The following ARHGAP15 variants were observed in gnomAD, a reference collection of about 807,000 sequenced individuals.
ARHGAP15 encodes the protein Rho GTPase activating protein 15.
Under a neutral mutation model 63.7 loss-of-function variants are expected in ARHGAP15, and 51 were observed. That is an observed-to-expected ratio of 0.80 (90% CI 0.64 to 1.01). ARHGAP15 has a LOEUF of 1.01. Ranked by LOEUF, ARHGAP15 falls within the 50% of genes least tolerant of loss-of-function variation. ARHGAP15 has a pLI of 0.00. For synonymous variants in ARHGAP15, 191 were observed against 193.8 expected, an observed-to-expected ratio of 0.99 and a Z score of 0.12; for missense variants, 560 against 564.6, an observed-to-expected ratio of 0.99 and a Z score of 0.08.
chr2:143,413,376 C>T (rs1688527842), intron 6 of ARHGAP15, among the ~76,000 whole-genome samples: 1 of 152,176 alleles, frequency 6.6e-6, no homozygotes. Flanking sequence ...AACTGAATGC[C>T]TCAGGGCCCC....
chr2:143,667,812 A>C (rs1480903159), intron 12 of ARHGAP15, among the ~76,000 whole-genome samples: 2 of 151,828 alleles, frequency 1.3e-5, no homozygotes, highest in Non-Finnish European at 2.9e-5. Flanking sequence ...CAACGTGGTG[A>C]AACTCTCTCT....
intron 6 of ARHGAP15, among the ~76,000 whole-genome samples, chr2:143,300,392 A>T (rs1026790400): frequency 5.3e-5 from 8 of 152,062 alleles, no homozygotes; most frequent in African/African-American, 1.7e-4. Flanking sequence ...ACTTTTACAT[A>T]TGGTTTCAAG....
chr2:143,375,361 C>A (rs953325254), intron 6 of ARHGAP15, among the ~76,000 whole-genome samples: 5 of 152,106 alleles, frequency 3.3e-5, no homozygotes, highest in African/African-American at 1.2e-4. Flanking sequence ...GTAAATTTCC[C>A]AAATTCTTTT....
chr2:143,262,401 C>G (rs1680765245), intron 6 of ARHGAP15, among the ~76,000 whole-genome samples: 1 of 151,944 alleles, frequency 6.6e-6, no homozygotes, highest in Non-Finnish European at 1.5e-5. Context: ...TGTATGAGGC[C>G]ATATTTGATA....
chr2:143,406,349 T>A (rs1377645761), intron 6 of ARHGAP15, among the ~76,000 whole-genome samples: 1 of 151,976 alleles, frequency 6.6e-6, no homozygotes, highest in South Asian at 2.1e-4. Context: ...TGGATTCTTT[T>A]CAGCTATACT....
intron 12 of ARHGAP15, among the ~76,000 whole-genome samples, chr2:143,686,373 G>C (rs1683343602): frequency 1.7e-5 from 2 of 114,876 alleles, no homozygotes; most frequent in Non-Finnish European, 3.3e-5. Context: ...GACAGAGCGA[G>C]ACTCTGTCTC....
chr2:143,706,800 GA>G (rs1158557799), intron 13 of ARHGAP15, among the ~76,000 whole-genome samples: 1 of 152,178 alleles, frequency 6.6e-6, no homozygotes, highest in Non-Finnish European at 1.5e-5. Context: ...CCGTCAGCCA[GA>G]AACCTTTATT....
rs148074538 is a variant in ARHGAP15, at chr2:143,234,963, T to G, written c.384+6295T>G. Among the ~76,000 whole-genome samples the G allele has an allele frequency of 2.1e-3, 316 of 152,326 alleles. 1 individual carries two copies. Among genetic ancestry groups the G allele is most frequent in the African/African-American group, 7.3e-3 (302 of 41,578 alleles). ...AAAAGAAATATTTTATCCAGCATTT[T>G]TATTGTTTTCAGTGGGAGAATTGAT... On this transcript the variant is annotated intron_variant, in intron 5 of 13. Transcript: ENST00000295095.
rs548964395 is a variant in ARHGAP15, at chr2:143,238,742, G to A, written c.384+10074G>A. 5.9e-5 allele frequency among the ~76,000 whole-genome samples: 9 copies of A among 152,174 alleles called. No individual in the cohort carries two copies. The East Asian group carries it at 7.7e-4, about 13-fold the overall frequency. On this transcript the variant is annotated intron_variant, in intron 5 of 13. Transcript: ENST00000295095. ...CATTCTATTATAAAGACACATGCAC[G>A]TGTATGTTCATTGCAGCACTGTTTA...
At chr2:143,188,847 A>T (rs1411244120) in intron 2 of ARHGAP15, among the ~76,000 whole-genome samples, 1 of 151,758 alleles carries the variant, frequency 6.6e-6, no homozygotes, top group Non-Finnish European at 1.5e-5. Context: ...ACTGGTCTCG[A>T]ACCCCTGACC....
At chr2:143,647,371 A>G (rs940857193) in intron 12 of ARHGAP15, among the ~76,000 whole-genome samples, 2 of 151,682 alleles carry the variant, frequency 1.3e-5, no homozygotes, top group African/African-American at 4.8e-5. Context: ...AAAAAAAAAA[A>G]AAAAAGAACA....
At chr2:143,425,341 TTATA>T (rs68003746) in intron 6 of ARHGAP15, among the ~76,000 whole-genome samples, 2,033 of 152,038 alleles carry the variant, frequency 0.013, 45 homozygotes, top group African/African-American at 0.046. Context: ...TGTGCTCTCT[TTATA>T]TATAGAGAGA....
intron 13 of ARHGAP15, among the ~76,000 whole-genome samples, chr2:143,762,909 C>T (rs1011370754): frequency 6.6e-6 from 1 of 152,104 alleles, no homozygotes; most frequent in Non-Finnish European, 1.5e-5. Flanking sequence ...TATATGGTTT[C>T]TGGATCAGAT....
chr2:143,456,553 AAAAT>A (rs1247854607), intron 8 of ARHGAP15, among the ~76,000 whole-genome samples: 2 of 152,088 alleles, frequency 1.3e-5, no homozygotes, highest in Non-Finnish European at 2.9e-5. Flanking sequence ...ATGAATTAAA[AAAAT>A]AAAATTTTGT....
At chr2:143,580,884 G>A (rs1696875608) in intron 11 of ARHGAP15, among the ~76,000 whole-genome samples, 1 of 152,118 alleles carries the variant, frequency 6.6e-6, no homozygotes, top group Non-Finnish European at 1.5e-5. Context: ...GCAAGAAAGT[G>A]CCTATAAATA....
chr2:143,482,164 C>G (rs1232777078), intron 8 of ARHGAP15, among the ~76,000 whole-genome samples: 2 of 152,022 alleles, frequency 1.3e-5, no homozygotes, highest in Non-Finnish European at 2.9e-5. Context: ...AGTGATTGCT[C>G]TAGTCTCTTA....
At chr2:143,453,118 T>C (rs1247423758) in intron 8 of ARHGAP15, among the ~76,000 whole-genome samples, 1 of 151,998 alleles carries the variant, frequency 6.6e-6, no homozygotes, top group Non-Finnish European at 1.5e-5. Context: ...TGCAGCTCAG[T>C]GACATTATTA....
chr2:143,499,258 T>C (rs1692949426), intron 9 of ARHGAP15, among the ~76,000 whole-genome samples: 2 of 152,204 alleles, frequency 1.3e-5, no homozygotes, highest in Non-Finnish European at 2.9e-5. Context: ...TGTCGACTTA[T>C]GGTTAGAGCT....
chr2:143,445,153 A>ATTTT (rs10671306), intron 8 of ARHGAP15, among the ~76,000 whole-genome samples: 1,066 of 74,364 alleles, frequency 0.014, 49 homozygotes, highest in Middle Eastern at 0.061. Context: ...AAGAACAATT[A>ATTTT]TTTTTTTTTT....
Sources: gnomAD v4.1 joint callset for allele counts (sites outside exome capture counted in the v4.1 genomes callset) on GRCh38, gnomAD v4.1.1 for gene constraint, MANE v1.5 for transcripts, NCBI Gene and HGNC (gene_info 2026-07-23, HGNC 2026-07-21) for gene names.